KHDRBS2: variants seen among roughly 807,000 people sequenced by gnomAD.
KHDRBS2 encodes KH domain-containing, RNA-binding, signal transduction-associated protein 2.
KHDRBS2 carries 26 observed loss-of-function variants against 44.3 expected under a neutral mutation model. That is an observed-to-expected ratio of 0.59 (90% CI 0.43 to 0.81). The LOEUF is 0.81. Among genes scored for constraint, KHDRBS2 ranks in the 40% least tolerant of loss-of-function variants. KHDRBS2 has a pLI of 0.00. For synonymous variants in KHDRBS2, 194 were observed against 151.1 expected (o/e 1.28, Z -2.08); for missense variants, 476 against 433.1 (o/e 1.10, Z -0.88).
chr6:61,956,825 CA>C (rs1193603665), intron 4 of KHDRBS2, among the ~76,000 whole-genome samples: 1 of 152,052 alleles, frequency 6.6e-6, no homozygotes, highest in East Asian at 1.9e-4. Context: ...AATAATATCT[CA>C]TTTGATTTTT....
At chr6:61,988,438 C>A (rs1163195874) in intron 3 of KHDRBS2, among the ~76,000 whole-genome samples, 1 of 152,156 alleles carries the variant, frequency 6.6e-6, no homozygotes, top group East Asian at 1.9e-4. Context: ...CTTCTCTTAT[C>A]TTTTCTTTCT....
At chr6:61,862,217 G>T (rs1404965597) in intron 6 of KHDRBS2, among the ~76,000 whole-genome samples, 1 of 152,042 alleles carries the variant, frequency 6.6e-6, no homozygotes, top group Non-Finnish European at 1.5e-5. Flanking sequence ...ATTGTCATCT[G>T]CAAGCAAAGA....
chr6:62,123,145 G>A (rs147225930), intron 2 of KHDRBS2, among the ~76,000 whole-genome samples: 2,976 of 152,122 alleles, frequency 0.02, 35 homozygotes, highest in Non-Finnish European at 0.033. Context: ...GAGAACATGC[G>A]GTGTTTGGTT....
intron 7 of KHDRBS2, among the ~76,000 whole-genome samples, chr6:61,723,258 A>G (rs994864408): frequency 2.0e-5 from 3 of 152,196 alleles, no homozygotes; most frequent in African/African-American, 7.2e-5. Context: ...GATCAAAGGT[A>G]GATAAGGCCA....
chr6:62,065,987 G>A (rs1310256535), intron 2 of KHDRBS2, among the ~76,000 whole-genome samples: 2 of 151,512 alleles, frequency 1.3e-5, no homozygotes, highest in Admixed American at 1.3e-4. Flanking sequence ...CATCTAAAGA[G>A]CCTTTGGTCA....
chr6:62,061,774 A>C (rs552584678), intron 2 of KHDRBS2, among the ~76,000 whole-genome samples: 3,142 of 148,150 alleles, frequency 0.021, 118 homozygotes, highest in African/African-American at 0.073. Flanking sequence ...AGTGTTTTCC[A>C]ACTTGGTTCC....
intron 6 of KHDRBS2, among the ~76,000 whole-genome samples, chr6:61,786,936 T>G (rs1035472459): frequency 2.0e-5 from 3 of 151,472 alleles, no homozygotes; most frequent in African/African-American, 7.2e-5. Context: ...CCAATAACAA[T>G]TTAAAAAATG....
intron 1 of KHDRBS2, among the ~76,000 whole-genome samples, chr6:62,188,441 G>A (rs139913566): frequency 6.6e-6 from 1 of 152,036 alleles, no homozygotes; most frequent in South Asian, 2.1e-4. Flanking sequence ...ATGTCCTCCA[G>A]GTCCATCCAT....
intron 6 of KHDRBS2, among the ~76,000 whole-genome samples, chr6:61,817,439 TACTC>T (rs1355347894): frequency 5.9e-5 from 9 of 152,100 alleles, no homozygotes; most frequent in African/African-American, 2.2e-4. Context: ...TATATAAAAA[TACTC>T]ACAGTGTGCT....
rs1800700682 is a variant in KHDRBS2, at chr6:61,884,831, ATC to A, written c.810+9802_810+9803del. 2.0e-5 allele frequency among the ~76,000 whole-genome samples: 3 copies of A among 152,070 alleles called. No homozygotes were observed. In the South Asian group the frequency reaches 6.2e-4, roughly 32 times the overall value. On this transcript the variant is annotated intron_variant, in intron 6 of 8. Coordinates refer to ENST00000281156, the MANE Select transcript of KHDRBS2 (RefSeq NM_152688.4). ...ACACAGTCAGTTTTTTCTTTAAACA[ATC>A]TCTCCCTGCTCTGTCCCCCCATAGA...
the KHDRBS2 span, among the ~76,000 whole-genome samples, chr6:61,596,720 C>T: frequency 1.4e-4 from 22 of 152,164 alleles, no homozygotes; most frequent in East Asian, 1.7e-3. Flanking sequence ...GGTGCAATTT[C>T]GGCTCACTGC....
At chr6:61,901,989 T>G (rs1056471517) in intron 4 of KHDRBS2, among the ~76,000 whole-genome samples, 1 of 152,202 alleles carries the variant, frequency 6.6e-6, no homozygotes, top group African/African-American at 2.4e-5. Context: ...AGACACAGTC[T>G]CTGTCGCCCA....
chr6:61,687,913 A>C (rs1766995828), intron 8 of KHDRBS2, among the ~76,000 whole-genome samples: 1 of 151,920 alleles, frequency 6.6e-6, no homozygotes, highest in East Asian at 1.9e-4. Flanking sequence ...GATTTGCAAT[A>C]TTAGAAAGAA....
intron 1 of KHDRBS2, among the ~76,000 whole-genome samples, chr6:62,183,732 T>A (rs976318556): frequency 2.6e-5 from 4 of 151,630 alleles, no homozygotes; most frequent in Non-Finnish European, 5.9e-5. Flanking sequence ...AAAATATTTT[T>A]TGTTAATGAA....
intron 4 of KHDRBS2, among the ~76,000 whole-genome samples, chr6:61,912,378 TGGTTCTGCCTCAATA>T (rs1376364050): frequency 4.6e-5 from 7 of 152,298 alleles, no homozygotes; most frequent in Non-Finnish European, 7.4e-5. Context: ...TTGCTTCCAT[TGGTTCTGCCTCAATA>T]GGAAACATCT....
the KHDRBS2 span, among the ~76,000 whole-genome samples, chr6:61,560,919 A>T: frequency 6.6e-6 from 1 of 152,042 alleles, no homozygotes; most frequent in Non-Finnish European, 1.5e-5. Context: ...TACCTATTTT[A>T]GTCTTTGCAA....
chr6:62,161,203 C>A (rs749035435), intron 2 of KHDRBS2, among the ~76,000 whole-genome samples: 4 of 151,932 alleles, frequency 2.6e-5, no homozygotes, highest in Non-Finnish European at 5.9e-5. Context: ...TTATAAATAG[C>A]ATATATTTGA....
intron 1 of KHDRBS2, among the ~76,000 whole-genome samples, chr6:62,234,221 G>T (rs182058158): frequency 4.5e-4 from 69 of 152,162 alleles, no homozygotes; most frequent in African/African-American, 1.4e-3. Flanking sequence ...AGCACCTACG[G>T]TTGAAAGAAA....
intron 2 of KHDRBS2, among the ~76,000 whole-genome samples, chr6:62,172,265 C>T (rs997204031): frequency 6.6e-5 from 10 of 151,686 alleles, no homozygotes; most frequent in Admixed American, 2.6e-4. Context: ...AACAAACAAA[C>T]CAAAAATCAG....
Sources: gnomAD v4.1 joint callset for allele counts (sites outside exome capture counted in the v4.1 genomes callset) on GRCh38, gnomAD v4.1.1 for gene constraint, MANE v1.5 for transcripts, NCBI Gene and HGNC (gene_info 2026-07-23, HGNC 2026-07-21) for gene names.